Variants in NDUFAF6 observed in about 807,000 individuals in gnomAD.
NDUFAF6 encodes the protein NADH:ubiquinone oxidoreductase complex assembly factor 6.
Under a neutral mutation model 40.8 loss-of-function variants are expected in NDUFAF6, and 45 were observed. That is an observed-to-expected ratio of 1.10 (90% confidence interval 0.87 to 1.42). The LOEUF is 1.42. Ranked by LOEUF, NDUFAF6 falls within the 40% of genes most tolerant of loss-of-function variation. The probability of loss-of-function intolerance (pLI) is 0.00; values close to 1 mark genes in which losing one functional copy is unlikely to be tolerated. For missense variants in NDUFAF6, 435 were observed against 418.5 expected (o/e 1.04, Z -0.34); for synonymous variants, 185 against 155.9 (o/e 1.19, Z -1.39).
intron 2 of NDUFAF6, among the ~76,000 whole-genome samples, chr8:95,094,647 G>A (rs949842697): frequency 1.3e-5 from 2 of 150,892 alleles, no homozygotes; most frequent in African/African-American, 2.4e-5. Flanking sequence ...ACTCCTGACC[G>A]CAGGTGATCT....
intron 2 of NDUFAF6, among the ~76,000 whole-genome samples, chr8:95,004,758 A>G (rs757542519): frequency 2.0e-5 from 3 of 152,200 alleles, no homozygotes; most frequent in Admixed American, 6.5e-5. Context: ...CCAGGGAAAA[A>G]CAGAAAAGAG....
chr8:95,110,951 T>C (rs933921091), intron 4 of NDUFAF6, among the ~76,000 whole-genome samples: 3 of 152,224 alleles, frequency 2.0e-5, no homozygotes, highest in Non-Finnish European at 2.9e-5. Context: ...AGCAATGCAT[T>C]GCTAGAAAGG....
At chr8:94,929,334 T>C (rs1311485498) in intron 1 of NDUFAF6, 1 of 150,810 alleles carries the variant, frequency 6.6e-6, no homozygotes, top group Non-Finnish European at 1.5e-5. Flanking sequence ...GAGGCCAGAG[T>C]GGTTAAAGAT....
intron 1 of NDUFAF6, among the ~76,000 whole-genome samples, chr8:94,904,422 C>T (rs780774544): frequency 8.9e-5 from 13 of 146,246 alleles, no homozygotes; most frequent in South Asian, 2.2e-4. Context: ...GTGATCTGCC[C>T]GCCTCGGCCT....
intron 2 of NDUFAF6, among the ~76,000 whole-genome samples, chr8:95,001,394 T>C (rs1440160814): frequency 6.6e-6 from 1 of 152,160 alleles, no homozygotes; most frequent in East Asian, 1.9e-4. Flanking sequence ...CATCCCCACC[T>C]CGAGAGAGCT....
chr8:95,027,768 G>A (rs924144199), intron 1 of NDUFAF6, among the ~76,000 whole-genome samples: 35 of 152,108 alleles, frequency 2.3e-4, no homozygotes, highest in Non-Finnish European at 2.5e-4. Context: ...GCTTCTAATT[G>A]TCCATCAATA....
upstream of NDUFAF6, chr8:95,024,855 C>CAG (rs1332098825): frequency 1.2e-5 from 8 of 641,178 alleles, no homozygotes; most frequent in South Asian, 1.3e-4. Flanking sequence ...GGCCCAGATG[C>CAG]AGAGGACCAC....
Position 94,958,522 on chromosome 8 carries a change from CTTTTTTTTTTT to C in NDUFAF6, c.-199+363_-199+373del, listed in dbSNP as rs55703438. ...CCCTATCTCCACACATAGTCACATTCTTTTTTTTTTTTTTTTTTTTTTTTTTTTTTGAGATG... is the reference window on the plus strand; with the variant it reads ...CCCTATCTCCACACATAGTCACATTCTTTTTTTTTTTTTTTTTTTGAGATG... On this transcript the variant is annotated intron_variant, in intron 1 of 9. Transcript: ENST00000396111. Among the ~76,000 whole-genome samples, 664 of 71,298 alleles carry C rather than the reference CTTTTTTTTTTT, an allele frequency of 9.3e-3. 10 individuals carry two copies. Among genetic ancestry groups the C allele is most frequent in the African/African-American group, 0.035 (591 of 16,970 alleles). 46.8% of individuals were successfully genotyped at this position (71,298 alleles called of 152,430 possible). A position where few individuals can be genotyped will look rare whatever the true frequency, so the allele number is the denominator to read the frequency against.
intron 9 of NDUFAF6, among the ~76,000 whole-genome samples, chr8:95,065,045 C>G (rs1832668942): frequency 6.6e-6 from 1 of 152,178 alleles, no homozygotes; most frequent in Non-Finnish European, 1.5e-5. Context: ...GGCATGAAAG[C>G]TTCATGCCCC....
chr8:95,020,709 G>T (rs146884783), upstream of NDUFAF6, among the ~76,000 whole-genome samples: 2 of 152,286 alleles, frequency 1.3e-5, no homozygotes, highest in Non-Finnish European at 2.9e-5. Flanking sequence ...CCAGGCACTT[G>T]GCCAGGCACT....
chr8:95,064,698 TCACCTG>T (rs71569106), intron 9 of NDUFAF6, among the ~76,000 whole-genome samples: 18,835 of 151,956 alleles, frequency 0.12, 1,429 homozygotes, highest in Middle Eastern at 0.2. Flanking sequence ...TGCTCTCCCT[TCACCTG>T]CTCCTTTTTT....
rs189230864 is a variant in NDUFAF6, at chr8:95,092,379, A to G, written n.214-8753A>G. 9.8e-3 allele frequency among the ~76,000 whole-genome samples: 1,488 copies of G among 151,608 alleles called. 67 individuals carry two copies. Among genetic ancestry groups the G allele is most frequent in the Admixed American group, 0.087 (1,323 of 15,182 alleles). On this transcript the variant is annotated intron_variant and non_coding_transcript_variant, in intron 2 of 5. Transcript: ENST00000523184. Reference sequence around the variant, plus strand: ...GTATTTTTAGTAGAGACGAGGTTTCACCATGTTGGACAGGCTGGCCTTGAA... The same window carrying G: ...GTATTTTTAGTAGAGACGAGGTTTCGCCATGTTGGACAGGCTGGCCTTGAA...
At chr8:95,075,624 T>C in intron 9 of NDUFAF6, 5 of 1,288,364 alleles carry the variant, frequency 3.9e-6, no homozygotes, top group Non-Finnish European at 5.1e-6. Context: ...TCCTCTTTCC[T>C]CTCTGCAGGA....
intron 1 of NDUFAF6, among the ~76,000 whole-genome samples, chr8:94,972,735 T>A (rs868836134): frequency 7.5e-6 from 1 of 132,744 alleles, no homozygotes; most frequent in Admixed American, 7.7e-5. Flanking sequence ...TACTGAAACT[T>A]AAAAAAAAAA....
chr8:95,102,994 C>T, exon 3 of NDUFAF6: 1 of 152,162 alleles, frequency 6.6e-6, no homozygotes, highest in Non-Finnish European at 1.5e-5. Flanking sequence ...GTCTCATGTA[C>T]CTTATGACGA....
chr8:95,016,472 T>C (rs6471506), intron 2 of NDUFAF6, among the ~76,000 whole-genome samples: 21,840 of 152,142 alleles, frequency 0.14, 1,598 homozygotes, highest in Middle Eastern at 0.24. Flanking sequence ...TGGCCGAGCG[T>C]GGTGGCTCAC....
chr8:95,108,629 A>G (rs1011135573), intron 4 of NDUFAF6, among the ~76,000 whole-genome samples: 2 of 152,166 alleles, frequency 1.3e-5, no homozygotes, highest in Non-Finnish European at 2.9e-5. Flanking sequence ...CTGGAGATGG[A>G]TAGTGGCGAT....
intron 2 of NDUFAF6, among the ~76,000 whole-genome samples, chr8:95,013,919 A>G (rs1827331362): frequency 6.6e-6 from 1 of 152,180 alleles, no homozygotes; most frequent in South Asian, 2.1e-4. Context: ...GTGTCCTTAT[A>G]CAATGGGGAA....
chr8:94,955,924 A>G (rs1291488672), upstream of NDUFAF6, among the ~76,000 whole-genome samples: 1 of 152,204 alleles, frequency 6.6e-6, no homozygotes, highest in East Asian at 1.9e-4. Flanking sequence ...CTGCTCAAAC[A>G]CAAGTGCAAT....
Sources: allele counts gnomAD v4.1 joint callset (sites outside exome capture counted in the v4.1 genomes callset), GRCh38; gene constraint gnomAD v4.1.1; transcripts MANE v1.5; gene names NCBI Gene and HGNC (gene_info 2026-07-23, HGNC 2026-07-21).